The following CADM2 variants were observed in gnomAD, a reference collection of about 807,000 sequenced individuals.
CADM2 encodes the protein immunoglobulin superfamily member 4D.
In CADM2, 12 loss-of-function variants were observed where a neutral mutation model predicts 49.8. That is an observed-to-expected ratio of 0.24 (90% CI 0.15 to 0.39). CADM2 has a LOEUF of 0.39. CADM2 is among the 10% of genes least tolerant of loss of function. The probability of loss-of-function intolerance (pLI) is 1.00; values close to 1 mark genes in which losing one functional copy is unlikely to be tolerated. For missense variants in CADM2, 378 were observed against 492.3 expected, an observed-to-expected ratio of 0.77 and a Z score of 2.20; for synonymous variants, 214 against 175.4, an observed-to-expected ratio of 1.22 and a Z score of -1.74.
chr3:85,696,845 A>T (rs2066571943), intron 1 of CADM2, among the ~76,000 whole-genome samples: 1 of 151,902 alleles, frequency 6.6e-6, no homozygotes, highest in Non-Finnish European at 1.5e-5. Context: ...GGTGATAGCC[A>T]GGGTGGCCAA....
intron 8 of CADM2, among the ~76,000 whole-genome samples, chr3:85,976,046 A>G (rs1335562678): frequency 6.6e-6 from 1 of 151,576 alleles, no homozygotes; most frequent in Non-Finnish European, 1.5e-5. Flanking sequence ...ATCTTGTCCT[A>G]TGGAAAAAAT....
At chr3:85,280,272 T>C (rs9820383) in intron 1 of CADM2, among the ~76,000 whole-genome samples, 12 of 151,738 alleles carry the variant, frequency 7.9e-5, no homozygotes, top group African/African-American at 2.9e-4. Context: ...AGGTCTTTAT[T>C]TCTCCTTCAT....
chr3:85,403,420 C>A (rs2035215749), intron 1 of CADM2, among the ~76,000 whole-genome samples: 1 of 152,096 alleles, frequency 6.6e-6, no homozygotes, highest in Non-Finnish European at 1.5e-5. Context: ...ATAATTAATA[C>A]CGTATGCTTG....
At chr3:85,683,849 A>G (rs1332649369) in intron 1 of CADM2, among the ~76,000 whole-genome samples, 1 of 152,190 alleles carries the variant, frequency 6.6e-6, no homozygotes, top group Non-Finnish European at 1.5e-5. Context: ...CTCCTACAAT[A>G]TGACTCTTGG....
chr3:85,040,715 T>G (rs941787696), intron 1 of CADM2, among the ~76,000 whole-genome samples: 2 of 152,208 alleles, frequency 1.3e-5, no homozygotes, highest in African/African-American at 4.8e-5. Context: ...GTCCTGAAAT[T>G]TCATAATAAT....
At chr3:85,880,192 C>G (rs762159006) in intron 3 of CADM2, among the ~76,000 whole-genome samples, 1 of 152,178 alleles carries the variant, frequency 6.6e-6, no homozygotes, top group Non-Finnish European at 1.5e-5. Context: ...TTGACACAGT[C>G]TACTAGTAGC....
intron 1 of CADM2, among the ~76,000 whole-genome samples, chr3:85,406,384 C>T (rs968153039): frequency 3.3e-5 from 5 of 151,950 alleles, no homozygotes; most frequent in Admixed American, 1.3e-4. Context: ...ATTACAGAGC[C>T]GTTGCTATAC....
chr3:85,796,889 G>A (rs1389017973), intron 2 of CADM2, among the ~76,000 whole-genome samples: 2 of 151,988 alleles, frequency 1.3e-5, no homozygotes, highest in Admixed American at 6.6e-5. Context: ...GAGGTCAAGA[G>A]ATCAAGACCA....
intron 1 of CADM2, among the ~76,000 whole-genome samples, chr3:85,482,777 A>T (rs554076220): frequency 2.2e-4 from 33 of 151,692 alleles, no homozygotes; most frequent in Admixed American, 3.3e-4. Flanking sequence ...TTTCCTTGAA[A>T]ATATATATAT....
intron 1 of CADM2, among the ~76,000 whole-genome samples, chr3:85,105,648 T>C (rs1009903354): frequency 2.0e-5 from 3 of 152,200 alleles, no homozygotes; most frequent in African/African-American, 7.2e-5. Context: ...TGCACACTTA[T>C]GTTTATTGTG....
intron 1 of CADM2, among the ~76,000 whole-genome samples, chr3:85,090,598 G>A (rs2037558544): frequency 6.6e-6 from 1 of 152,186 alleles, no homozygotes; most frequent in East Asian, 1.9e-4. Flanking sequence ...CCAAAGAACC[G>A]TTAACATTTG....
chr3:85,883,138 A>G (rs79548635), intron 3 of CADM2, among the ~76,000 whole-genome samples, 153 bp from the exon 4 acceptor site: 2,441 of 152,320 alleles, frequency 0.016, 52 homozygotes, highest in East Asian at 0.047. Flanking sequence ...ATATTTCAAT[A>G]TATTTAAACT....
chr3:85,938,947 A>G (rs1721500255), intron 7 of CADM2, among the ~76,000 whole-genome samples: 2 of 152,036 alleles, frequency 1.3e-5, no homozygotes, highest in Non-Finnish European at 2.9e-5. Context: ...TGTTTCTTAA[A>G]AAGTATTTAA....
intron 1 of CADM2, among the ~76,000 whole-genome samples, chr3:85,675,953 A>G (rs1331233892): frequency 6.6e-6 from 1 of 152,230 alleles, no homozygotes; most frequent in Admixed American, 6.5e-5. Flanking sequence ...AACTACTACC[A>G]GGCTTTCAGC....
intron 1 of CADM2, among the ~76,000 whole-genome samples, chr3:85,575,698 T>C (rs1278886213): frequency 1.3e-5 from 2 of 152,228 alleles, no homozygotes; most frequent in African/African-American, 4.8e-5. Flanking sequence ...ACTAGGTTCT[T>C]TCACAAAAAG....
chr3:85,908,728 A>ATT (rs63218162), intron 5 of CADM2, among the ~76,000 whole-genome samples: 21 of 140,656 alleles, frequency 1.5e-4, no homozygotes, highest in African/African-American at 4.0e-4. Flanking sequence ...TACGGTTATG[A>ATT]TTTTTTTTTT....
At chr3:85,848,040 A>G (rs2108282596) in intron 3 of CADM2, among the ~76,000 whole-genome samples, 1 of 151,888 alleles carries the variant, frequency 6.6e-6, no homozygotes, top group African/African-American at 2.4e-5. Context: ...TCGATAGTCA[A>G]TTTTCTTTTT....
chr3:85,869,655 T>C (rs190356860), intron 3 of CADM2, among the ~76,000 whole-genome samples: 211 of 151,820 alleles, frequency 1.4e-3, no homozygotes, highest in African/African-American at 4.7e-3. Flanking sequence ...ATTTTTTATA[T>C]TGTTATTATT....
At chr3:84,997,195 G>A (rs1033510811) in intron 1 of CADM2, among the ~76,000 whole-genome samples, 1 of 152,072 alleles carries the variant, frequency 6.6e-6, no homozygotes, top group Non-Finnish European at 1.5e-5. Context: ...CTTCTGGAAT[G>A]GATTTCCACA....
Sources: allele counts gnomAD v4.1 joint callset (sites outside exome capture counted in the v4.1 genomes callset), GRCh38; gene constraint gnomAD v4.1.1; transcripts MANE v1.5; gene names NCBI Gene and HGNC (gene_info 2026-07-23, HGNC 2026-07-21).